Variants in S100A13 observed in about 807,000 individuals in gnomAD.
S100A13 encodes the protein protein S100-A13.
S100A13 carries 6 observed loss-of-function variants against 8.2 expected under a neutral mutation model. That is an observed-to-expected ratio of 0.73 (90% confidence interval 0.40 to 1.44). The LOEUF (loss-of-function observed/expected upper bound fraction) is 1.44. Ranked by LOEUF, S100A13 falls within the 40% of genes most tolerant of loss-of-function variation. The probability of loss-of-function intolerance (pLI) is 0.02; values close to 1 mark genes in which losing one functional copy is unlikely to be tolerated. For missense variants in S100A13, 114 were observed against 113.6 expected (o/e 1.00, Z -0.02); for synonymous variants, 39 against 45.9 (o/e 0.85, Z 0.61).
intron 2 of S100A13, among the ~76,000 whole-genome samples, chr1:153,624,461 AAAG>A (rs1268387948): frequency 6.6e-6 from 1 of 152,114 alleles, no homozygotes; most frequent in African/African-American, 2.4e-5. Context: ...GAAGTCTTAG[AAAG>A]AAGAAGAAAC....
At chr1:153,630,197 TG>T, upstream of S100A13, 1 of 445,736 alleles carries the variant, frequency 2.2e-6, no homozygotes. Context: ...AATCCCTGCC[TG>T]GGCAGCCACT....
upstream of S100A13, chr1:153,630,143 C>T (rs547960939): frequency 8.4e-6 from 3 of 358,964 alleles, no homozygotes; most frequent in African/African-American, 4.1e-5. Context: ...CCAGAGGAAG[C>T]ATGGCCCAGT....
At chr1:153,623,162 A>G (rs1363846203) in intron 2 of S100A13, among the ~76,000 whole-genome samples, 2 of 152,152 alleles carry the variant, frequency 1.3e-5, no homozygotes, top group Non-Finnish European at 2.9e-5. Context: ...TTGAGGACAC[A>G]AGAAAGAGAG....
At chr1:153,630,670 T>G (rs201604670), upstream of S100A13, 10 of 1,613,996 alleles carry the variant, frequency 6.2e-6, no homozygotes, top group Admixed American at 1.5e-4. Flanking sequence ...GATGTGAGCA[T>G]AGAGTGGTGG....
chr1:153,627,873 A>C (rs536594629), upstream of S100A13: 377 of 706,192 alleles, frequency 5.3e-4, 3 homozygotes, highest in South Asian at 7.0e-3. Context: ...TCTGAGACAC[A>C]CACAGAGGCC....
chr1:153,628,321 G>A, upstream of S100A13: 1 of 1,519,054 alleles, frequency 6.6e-7, no homozygotes, highest in African/African-American at 1.4e-5. Context: ...GGGCGCCTCT[G>A]TCTGCTCCTG....
chr1:153,629,107 C>G (rs751382699), upstream of S100A13: 3 of 152,664 alleles, frequency 2.0e-5, no homozygotes, highest in Non-Finnish European at 4.4e-5. Context: ...CCTCTTGACT[C>G]CTCTTTCCCC....
At chr1:153,630,198 G>A (rs1667925034), upstream of S100A13, 2 of 445,066 alleles carry the variant, frequency 4.5e-6, no homozygotes, top group Admixed American at 4.0e-5. Flanking sequence ...ATCCCTGCCT[G>A]GGCAGCCACT....
upstream of S100A13, chr1:153,630,147 G>A: frequency 2.7e-6 from 1 of 374,138 alleles, no homozygotes; most frequent in Non-Finnish European, 4.8e-6. Context: ...AGGAAGCATG[G>A]CCCAGTCCTG....
At chr1:153,627,811 G>C, upstream of S100A13, 1 of 524,298 alleles carries the variant, frequency 1.9e-6, no homozygotes, top group Non-Finnish European at 3.4e-6. Flanking sequence ...TGTATGCTGA[G>C]GGGGGAAGAG....
At chr1:153,634,062 G>A (rs560921946), upstream of S100A13, 1 of 152,924 alleles carries the variant, frequency 6.5e-6, no homozygotes, top group Non-Finnish European at 1.5e-5. Context: ...GACAAGCACT[G>A]GACGTGGCGG....
chr1:153,631,904 G>C (rs1231862172), upstream of S100A13: 9 of 1,576,366 alleles, frequency 5.7e-6, no homozygotes, highest in Non-Finnish European at 7.7e-6. Flanking sequence ...TCTTCCCCCT[G>C]CTTCCACCTC....
At chr1:153,625,521 A>C (rs1341818171) in intron 2 of S100A13, among the ~76,000 whole-genome samples, 2 of 152,188 alleles carry the variant, frequency 1.3e-5, no homozygotes, top group Non-Finnish European at 2.9e-5. Context: ...TCACAGATGC[A>C]CCCACAGACC....
In S100A13 at chr1:153,626,327, A is replaced by C; in HGVS notation, c.146T>G (p.Leu49Arg). The change falls in exon 2 of 3, where the codon CTG becomes CGG. Residue 49 changes from leucine (L) to arginine (R), a missense_variant. Transcript: ENST00000476133. Reference sequence around the variant, plus strand: ...TCCCAGACTTCTGCCTACCTTGAGCAGATGGGGCAACTGCTGGGTAACCAG... The same window carrying C: ...TCCCAGACTTCTGCCTACCTTGAGCCGATGGGGCAACTGCTGGGTAACCAG... Reference protein sequence around the residue: ...KELVTQQLPHLLKDVGSLDEK... With the variant: ...KELVTQQLPHRLKDVGSLDEK... 2 of 1,614,150 alleles carry C rather than the reference A, an allele frequency of 1.2e-6. No homozygotes were observed. Among genetic ancestry groups the C allele is most frequent in the Non-Finnish European group, 1.7e-6 (2 of 1,179,950 alleles).
At chr1:153,633,431 G>C (rs1321424707), upstream of S100A13, among the ~76,000 whole-genome samples, 1 of 152,094 alleles carries the variant, frequency 6.6e-6, no homozygotes, top group Non-Finnish European at 1.5e-5. Flanking sequence ...TGGCAGGTGT[G>C]GGGGGAGGAC....
At chr1:153,631,564 C>G (rs1387840810), upstream of S100A13, 1 of 1,613,890 alleles carries the variant, frequency 6.2e-7, no homozygotes, top group South Asian at 1.1e-5. Flanking sequence ...TTTGAGGAGG[C>G]CTAGAAGAGT....
At chr1:153,627,957 A>G, upstream of S100A13, 4 of 1,412,192 alleles carry the variant, frequency 2.8e-6, no homozygotes, top group Non-Finnish European at 3.8e-6. Flanking sequence ...GGCCCCACAC[A>G]CAGAGGGGGA....
chr1:153,632,701 C>T (rs1370580854), upstream of S100A13, among the ~76,000 whole-genome samples: 6 of 152,006 alleles, frequency 3.9e-5, no homozygotes, highest in East Asian at 1.2e-3. Context: ...GATGCTGGGC[C>T]ATTACTTACA....
intron 2 of S100A13, among the ~76,000 whole-genome samples, chr1:153,621,946 C>T (rs139657054): frequency 4.7e-4 from 72 of 152,210 alleles, no homozygotes; most frequent in African/African-American, 1.6e-3. Context: ...ATCATTTTCA[C>T]ATCATAGATT....
Sources: gnomAD v4.1 joint callset for allele counts (sites outside exome capture counted in the v4.1 genomes callset) on GRCh38, gnomAD v4.1.1 for gene constraint, MANE v1.5 for transcripts, NCBI Gene and HGNC (gene_info 2026-07-23, HGNC 2026-07-21) for gene names.